Variants in LIN52 observed in about 807,000 individuals in gnomAD.
The protein encoded by LIN52 is lin-52 DREAM MuvB core complex component.
A neutral mutation model predicts 18.5 loss-of-function variants in LIN52; 4 were observed. The ratio of observed to expected loss-of-function variants is 0.22; its 90% CI spans 0.11 to 0.49. LIN52 has a LOEUF of 0.49. LIN52 is among the 20% of genes least tolerant of loss of function. LIN52 has a pLI of 0.97. For synonymous variants in LIN52, 34 were observed against 45.5 expected, an observed-to-expected ratio of 0.75 and a Z score of 1.02; for missense variants, 102 against 139.5, an observed-to-expected ratio of 0.73 and a Z score of 1.35.
intron 5 of LIN52, among the ~76,000 whole-genome samples, chr14:74,124,833 A>G (rs940569583): frequency 3.4e-5 from 5 of 147,834 alleles, no homozygotes; most frequent in Non-Finnish European, 6.0e-5. Flanking sequence ...AAAAAAAAAA[A>G]GCTGAGAGGC....
At chr14:74,103,674 T>G (rs1175601929) in intron 5 of LIN52, among the ~76,000 whole-genome samples, 1 of 148,604 alleles carries the variant, frequency 6.7e-6, no homozygotes, top group African/African-American at 2.5e-5. Flanking sequence ...TCAGGTGATC[T>G]GCCCAACTCC....
chr14:74,129,037 C>G (rs2061045565), intron 5 of LIN52, among the ~76,000 whole-genome samples: 1 of 152,064 alleles, frequency 6.6e-6, no homozygotes, highest in South Asian at 2.1e-4. Flanking sequence ...TGGGGTTTGG[C>G]TTTGGTTGTT....
At chr14:74,099,008 A>G (rs1046589307) in intron 4 of LIN52, among the ~76,000 whole-genome samples, 3 of 152,212 alleles carry the variant, frequency 2.0e-5, no homozygotes, top group Admixed American at 6.5e-5. Context: ...TATAAAGAAT[A>G]CTATAAGTAG....
Position 74,200,258 on chromosome 14 carries a change from C to T in LIN52, c.*1281C>T, listed in dbSNP as rs1201340442. On this transcript the variant is annotated 3_prime_UTR_variant, in exon 6 of 6. Coordinates refer to ENST00000555028, the MANE Select transcript of LIN52 (RefSeq NM_001024674.3). ...GTGAAACCCTGTCTCTACTAAAATACAAAAATTAGCTGGGCATGATGGTGC... is the reference window on the plus strand; with the variant it reads ...GTGAAACCCTGTCTCTACTAAAATATAAAAATTAGCTGGGCATGATGGTGC... The T allele has an allele frequency of 7.1e-6, 1 of 140,660 alleles. No homozygotes were observed. The highest frequency in any genetic ancestry group is 2.5e-5 in the African/African-American group (1 of 39,404). 8.7% of individuals were successfully genotyped at this position (140,660 alleles called of 1,614,324 possible).
At chr14:74,184,596 G>A (rs1410657095) in intron 5 of LIN52, among the ~76,000 whole-genome samples, 2 of 152,032 alleles carry the variant, frequency 1.3e-5, no homozygotes, top group African/African-American at 4.8e-5. Flanking sequence ...GCTTTGGGTG[G>A]TATCAGTCAT....
intron 5 of LIN52, among the ~76,000 whole-genome samples, chr14:74,161,361 T>C (rs1181144774): frequency 6.6e-6 from 1 of 152,124 alleles, no homozygotes; most frequent in African/African-American, 2.4e-5. Context: ...AATTTTTGTA[T>C]TTTTAGTAGA....
intron 1 of LIN52, among the ~76,000 whole-genome samples, chr14:74,089,844 C>T (rs1349287710): frequency 2.0e-5 from 3 of 151,974 alleles, no homozygotes; most frequent in East Asian, 3.9e-4. Flanking sequence ...GCAGGACATA[C>T]GACAGGGGTG....
chr14:74,098,261 G>A (rs888967225), intron 4 of LIN52, among the ~76,000 whole-genome samples: 2 of 152,118 alleles, frequency 1.3e-5, no homozygotes, highest in African/African-American at 4.8e-5. Context: ...GCTCATGTCT[G>A]TAATCTTAGC....
intron 5 of LIN52, among the ~76,000 whole-genome samples, chr14:74,133,390 T>C (rs2061079615): frequency 6.6e-6 from 1 of 152,252 alleles, no homozygotes; most frequent in African/African-American, 2.4e-5. Flanking sequence ...TTTCTAGTTT[T>C]CAGTAGTGGG....
chr14:74,178,968 G>A (rs1272040479), intron 5 of LIN52, among the ~76,000 whole-genome samples: 1 of 151,814 alleles, frequency 6.6e-6, no homozygotes, highest in Non-Finnish European at 1.5e-5. Context: ...GCACCTGTAG[G>A]CCCGGCTACT....
chr14:74,124,810 CAAA>C (rs5809648), intron 5 of LIN52, among the ~76,000 whole-genome samples: 2 of 59,434 alleles, frequency 3.4e-5, no homozygotes, highest in Non-Finnish European at 3.1e-5. Flanking sequence ...GACCCTGTCT[CAAA>C]AAAAAAAAAA....
intron 5 of LIN52, among the ~76,000 whole-genome samples, chr14:74,117,701 T>G (rs1298266833): frequency 6.6e-6 from 1 of 152,226 alleles, no homozygotes; most frequent in Non-Finnish European, 1.5e-5. Context: ...GTTTTTGTAT[T>G]TCAAATGTAG....
intron 5 of LIN52, chr14:74,192,741 GC>G: frequency 3.8e-6 from 1 of 262,648 alleles, no homozygotes; most frequent in Non-Finnish European, 7.4e-6. Context: ...TTGATGGGCA[GC>G]CAATTAATGA....
At chr14:74,122,414 T>A (rs2061005356) in intron 5 of LIN52, among the ~76,000 whole-genome samples, 1 of 152,194 alleles carries the variant, frequency 6.6e-6, no homozygotes, top group Admixed American at 6.5e-5. Flanking sequence ...GTGTGTAATG[T>A]TAACAGTTGG....
At chr14:74,166,110 C>T (rs960917861) in intron 5 of LIN52, among the ~76,000 whole-genome samples, 8 of 151,878 alleles carry the variant, frequency 5.3e-5, no homozygotes, top group East Asian at 1.9e-4. Context: ...AGGCTGGTCT[C>T]GAACTCCTGA....
chr14:74,087,032 G>A (rs2060737389), intron 1 of LIN52, among the ~76,000 whole-genome samples: 1 of 151,814 alleles, frequency 6.6e-6, no homozygotes, highest in South Asian at 2.1e-4. Context: ...CAAACTTTGG[G>A]GATTTTAGAG....
chr14:74,113,972 T>C (rs1297590531), intron 5 of LIN52: 3 of 177,300 alleles, frequency 1.7e-5, no homozygotes, highest in African/African-American at 7.2e-5. Flanking sequence ...TTTCTTTTCT[T>C]TTTTTTTTCT....
intron 1 of LIN52, among the ~76,000 whole-genome samples, chr14:74,087,469 G>C (rs114763563): frequency 0.013 from 1,982 of 149,142 alleles, 43 homozygotes; most frequent in African/African-American, 0.045. Flanking sequence ...CCATCTCTAT[G>C]GTCACTTTAT....
intron 5 of LIN52, among the ~76,000 whole-genome samples, chr14:74,117,084 T>C (rs1294571769): frequency 3.9e-5 from 6 of 152,236 alleles, no homozygotes; most frequent in Non-Finnish European, 8.8e-5. Flanking sequence ...TTTGAGCTCT[T>C]CTGTGGACTG....
Sources: gnomAD v4.1 joint callset for allele counts (sites outside exome capture counted in the v4.1 genomes callset) on GRCh38, gnomAD v4.1.1 for gene constraint, MANE v1.5 for transcripts, NCBI Gene and HGNC (gene_info 2026-07-23, HGNC 2026-07-21) for gene names.